Variants in CCNY observed in about 807,000 individuals in gnomAD.
CCNY encodes the protein cyclin Y.
A neutral mutation model predicts 42.8 loss-of-function variants in CCNY; 19 were observed. The ratio of observed to expected loss-of-function variants is 0.44; its 90% CI spans 0.31 to 0.65. The LOEUF is 0.65. CCNY is among the 30% of genes least tolerant of loss of function. The probability of loss-of-function intolerance (pLI) is 0.07; values close to 1 mark genes in which losing one functional copy is unlikely to be tolerated. For synonymous variants in CCNY, 165 were observed against 162.7 expected (o/e 1.01, Z -0.11); for missense variants, 370 against 437.3 (o/e 0.85, Z 1.37).
Position 35,343,786 on chromosome 10 carries a change from AG to A in CCNY, c.154+6580del, listed in dbSNP as rs376631357. Among the ~76,000 whole-genome samples the A allele has an allele frequency of 6.5e-3, 990 of 152,368 alleles. 15 individuals are homozygous for A. Among genetic ancestry groups the A allele is most frequent in the African/African-American group, 0.023 (946 of 41,586 alleles). On this transcript the variant is annotated intron_variant, in intron 1 of 9. Transcript: ENST00000374704. ...GGGGCAGAACCAAAAAATACCAAGA[AG>A]CAGGATATGTGTGTGGCTTTGAAAT...
intron 3 of CCNY, among the ~76,000 whole-genome samples, chr10:35,251,577 C>A (rs1300167398): frequency 6.8e-6 from 1 of 148,042 alleles, no homozygotes; most frequent in African/African-American, 2.5e-5. Context: ...AGCAAGCAAT[C>A]CTTCAATGTC....
At chr10:35,479,979 A>G (rs1461928226) in intron 1 of CCNY, among the ~76,000 whole-genome samples, 1 of 151,472 alleles carries the variant, frequency 6.6e-6, no homozygotes, top group Admixed American at 6.6e-5. Context: ...GCTTCTGAGA[A>G]TGGTGGCTTT....
rs1401105503 is a variant in CCNY, at chr10:35,570,901, C to T, written c.*1731C>T. 2.0e-5 allele frequency: 3 copies of T among 152,232 alleles called. No homozygotes were observed. Among genetic ancestry groups the T allele is most frequent in the Non-Finnish European group, 2.9e-5 (2 of 68,014 alleles). 9.4% of individuals were successfully genotyped at this position (152,232 alleles called of 1,614,324 possible). ...GAATTATTATCACAGCCTTTCTGAC[C>T]CAAACTTTCAAAAGCAAATAAACAG... On this transcript the variant is annotated 3_prime_UTR_variant, in exon 10 of 10. Coordinates refer to ENST00000374704, the MANE Select transcript of CCNY (RefSeq NM_145012.6).
intron 1 of CCNY, among the ~76,000 whole-genome samples, chr10:35,454,731 C>G (rs1004763849): frequency 1.3e-5 from 2 of 152,216 alleles, no homozygotes; most frequent in African/African-American, 4.8e-5. Context: ...CGGGTATGCT[C>G]TCTGGCAGCA....
intron 3 of CCNY, among the ~76,000 whole-genome samples, chr10:35,295,230 C>CTT (rs66667305): frequency 1.4e-5 from 2 of 147,730 alleles, no homozygotes; most frequent in South Asian, 2.1e-4. Context: ...CCCTATAATA[C>CTT]TTTTTTTTTT....
intron 1 of CCNY, among the ~76,000 whole-genome samples, chr10:35,458,378 G>A (rs1019363536): frequency 3.9e-5 from 6 of 152,218 alleles, no homozygotes; most frequent in African/African-American, 1.2e-4. Context: ...AGCCCATACA[G>A]AGTTTGTAAA....
chr10:35,502,840 G>C (rs909561057), intron 3 of CCNY, among the ~76,000 whole-genome samples: 1 of 151,796 alleles, frequency 6.6e-6, no homozygotes, highest in Non-Finnish European at 1.5e-5. Context: ...TTCTTTGCCT[G>C]CTGGGTGCAC....
At chr10:35,548,310 A>T (rs562017063) in intron 7 of CCNY, among the ~76,000 whole-genome samples, 39 of 148,114 alleles carry the variant, frequency 2.6e-4, no homozygotes, top group East Asian at 1.6e-3. Context: ...ATATATATAT[A>T]TTTTATGAGA....
intron 3 of CCNY, among the ~76,000 whole-genome samples, chr10:35,288,053 G>A (rs1473036251): frequency 2.6e-5 from 4 of 152,118 alleles, no homozygotes; most frequent in Non-Finnish European, 4.4e-5. Context: ...TTCCAAAATG[G>A]ATGTATCATT....
At chr10:35,457,996 T>G (rs1839075453) in intron 1 of CCNY, among the ~76,000 whole-genome samples, 1 of 152,262 alleles carries the variant, frequency 6.6e-6, no homozygotes, top group African/African-American at 2.4e-5. Flanking sequence ...TTGGTTTCTC[T>G]TCTCCCTTGT....
At chr10:35,538,893 T>C (rs1442570160) in intron 7 of CCNY, among the ~76,000 whole-genome samples, 1 of 152,226 alleles carries the variant, frequency 6.6e-6, no homozygotes, top group Non-Finnish European at 1.5e-5. Flanking sequence ...TATATCTTCC[T>C]TTAGGAGTTT....
At chr10:35,274,104 T>C (rs915852235) in intron 3 of CCNY, among the ~76,000 whole-genome samples, 4 of 152,198 alleles carry the variant, frequency 2.6e-5, no homozygotes, top group African/African-American at 9.7e-5. Context: ...AGAGGTTTAA[T>C]TGACTCAGTT....
intron 1 of CCNY, among the ~76,000 whole-genome samples, chr10:35,428,041 C>T (rs1433968701): frequency 6.6e-6 from 1 of 152,182 alleles, no homozygotes; most frequent in East Asian, 1.9e-4. Context: ...TCATTGTTTC[C>T]TATACATATG....
chr10:35,558,853 G>GA, intron 8 of CCNY, among the ~76,000 whole-genome samples: 1 of 152,344 alleles, frequency 6.6e-6, no homozygotes. Flanking sequence ...CAGTCTGTGG[G>GA]ACTTTGTTAC....
intron 3 of CCNY, among the ~76,000 whole-genome samples, chr10:35,290,222 T>TCACTCACA (rs1554774115): frequency 8.1e-6 from 1 of 122,910 alleles, no homozygotes; most frequent in African/African-American, 3.3e-5. Context: ...CAAGACTCCA[T>TCACTCACA]CACACACACA....
intron 1 of CCNY, among the ~76,000 whole-genome samples, chr10:35,349,883 C>G (rs1344724248): frequency 6.6e-6 from 1 of 152,194 alleles, no homozygotes; most frequent in Admixed American, 6.5e-5. Flanking sequence ...CTTACAGGCT[C>G]TAGGATTCCA....
chr10:35,255,092 C>G (rs1430968953), intron 3 of CCNY, among the ~76,000 whole-genome samples: 1 of 144,804 alleles, frequency 6.9e-6, no homozygotes, highest in Non-Finnish European at 1.5e-5. Context: ...ATGTATATAA[C>G]TGTTCTATGT....
chr10:35,406,237 A>ATTTATTTT (rs1187979837), intron 1 of CCNY, among the ~76,000 whole-genome samples: 183 of 96,056 alleles, frequency 1.9e-3, no homozygotes, highest in Non-Finnish European at 3.5e-3. Flanking sequence ...TTATTTATTT[A>ATTTATTTT]TTTATTTTTT....
intron 2 of CCNY, among the ~76,000 whole-genome samples, chr10:35,248,649 C>CA (rs370488336): frequency 4.7e-5 from 7 of 150,214 alleles, no homozygotes; most frequent in South Asian, 4.2e-4. Flanking sequence ...AACTCCCTCT[C>CA]AAAAAAAAGA....
Sources: allele counts gnomAD v4.1 joint callset (sites outside exome capture counted in the v4.1 genomes callset), GRCh38; gene constraint gnomAD v4.1.1; transcripts MANE v1.5; gene names NCBI Gene and HGNC (gene_info 2026-07-23, HGNC 2026-07-21).